The following FANCA variants were observed in gnomAD, a reference collection of about 807,000 sequenced individuals.
The protein encoded by FANCA is Fanconi anemia group A protein.
FANCA carries 236 observed loss-of-function variants against 194.3 expected under a neutral mutation model. The observed-to-expected ratio is 1.21, with a 90% CI of 1.09 to 1.35. FANCA has a LOEUF of 1.35. FANCA is among the 40% of genes most tolerant of loss of function. The pLI is 0.00. For missense variants in FANCA, 2,628 were observed against 1,813.9 expected (o/e 1.45, Z -8.15); for synonymous variants, 1,014 against 715.8 (o/e 1.42, Z -6.65).
rs112307457 is a variant in FANCA at position 89,750,104 on chromosome 16, T to G, written c.3067-202A>C. Reference sequence around the variant, plus strand: ...CAGGCCGGGTGCTGTGGCTCACGTCTGTAATGCCAGCACTTTGGGAGGCCG... The same window carrying G: ...CAGGCCGGGTGCTGTGGCTCACGTCGGTAATGCCAGCACTTTGGGAGGCCG... On this transcript the variant is annotated intron_variant, in intron 31 of 42. Coordinates refer to ENST00000389301, the MANE Select transcript of FANCA (RefSeq NM_000135.4). 0.032 allele frequency among the ~76,000 whole-genome samples: 4,822 copies of G among 152,308 alleles called. 279 individuals carry two copies. Among genetic ancestry groups the G allele is most frequent in the African/African-American group, 0.11 (4,581 of 41,548 alleles).
At chr16:89,758,762 C>G in intron 29 of FANCA, 57 bp from the exon 30 acceptor site, 1 of 1,604,792 alleles carries the variant, frequency 6.2e-7, no homozygotes, top group Non-Finnish European at 8.5e-7. Flanking sequence ...CAGCGGTTCC[C>G]CATAACCAGG....
rs753126562 is a variant in FANCA, at chr16:89,746,581, C to T, written c.3513+3G>A. On this transcript the variant is annotated splice_donor_region_variant and intron_variant, in intron 35 of 42. Coordinates refer to ENST00000389301, the MANE Select transcript of FANCA (RefSeq NM_000135.4). The stretch of plus-strand genomic sequence containing the variant: ...AAAACACCAAACAAGACAGCTGACC[C>T]ACCAGAGCAGAGGTCAAAATTAAGG... The T allele has an allele frequency of 6.2e-7, 1 of 1,613,242 alleles. No homozygotes were observed. Among genetic ancestry groups the T allele is most frequent in the Non-Finnish European group, 8.5e-7 (1 of 1,179,226 alleles).
At position 89,740,057 on chromosome 16, in the gene FANCA, T is replaced by G; in HGVS notation, c.3871A>C (p.Ile1291Leu). 1 of 1,614,124 alleles carries G rather than the reference T, an allele frequency of 6.2e-7. No homozygotes were observed. The highest frequency in any genetic ancestry group is 8.5e-7 in the Non-Finnish European group (1 of 1,180,024). The change falls in exon 39 of 43, where the codon ATC (isoleucine) becomes CTC (leucine). Residue 1291 changes from isoleucine (I) to leucine (L), a missense_variant. Physicochemically the swap from Ile to Leu is conservative, Grantham distance 5. Transcript: ENST00000389301. ...LPKAFHVCAA[I>L]LECLEKRKIS... The stretch of plus-strand genomic sequence containing the variant: ...TTCCTCTTCTCTAAACACTCGAGGA[T>G]TGCTGCACAAACGTGGAAAGCCTTT...
intron 12 of FANCA, 138 bp from the exon 13 acceptor site, chr16:89,792,206 G>T: frequency 1.9e-6 from 2 of 1,069,536 alleles, no homozygotes; most frequent in Non-Finnish European, 1.4e-6. Context: ...AGCTGTGACA[G>T]CTCACACCGT....
Position 89,783,775 on chromosome 16 carries a change from T to C in FANCA, c.1471-673A>G, listed in dbSNP as rs548977168. On this transcript the variant is annotated intron_variant, in intron 15 of 42. Transcript: ENST00000389301. ...ACAGAGGGGACACAGCGTGTTTTTT[T>C]CTTTTGAGAGGGAGTTTTGCTCTTA... 9.9e-5 allele frequency among the ~76,000 whole-genome samples: 15 copies of C among 152,074 alleles called. No homozygotes were observed. In the South Asian group the frequency reaches 3.1e-3, roughly 32 times the overall value.
At chr16:89,814,431 T>A in intron 3 of FANCA, 89 bp downstream of exon 3, 4 of 1,044,924 alleles carry the variant, frequency 3.8e-6, no homozygotes, top group Non-Finnish European at 5.8e-6. Flanking sequence ...CCTGAGAAAA[T>A]TTACATTTCT....
intron 29 of FANCA, among the ~76,000 whole-genome samples, chr16:89,759,349 A>AAAAAAAG (rs1386463570): frequency 1.9e-4 from 26 of 139,536 alleles, no homozygotes; most frequent in Admixed American, 6.7e-4. Context: ...AAAAAAAAAA[A>AAAAAAAG]GTAGCCTGGA....
chr16:89,748,889 GC>G, intron 32 of FANCA, 122 bp from the exon 33 acceptor site: 1 of 792,506 alleles, frequency 1.3e-6, no homozygotes, highest in Non-Finnish European at 2.1e-6. Context: ...TGGAACCAGA[GC>G]CTTGGCCTGT....
chr16:89,740,947 T>A, intron 37 of FANCA, 81 bp from the exon 38 acceptor site: 2 of 1,314,642 alleles, frequency 1.5e-6, no homozygotes, highest in Non-Finnish European at 2.1e-6. Flanking sequence ...CATTCCTCTT[T>A]AATTGAAATT....
intron 2 of FANCA, among the ~76,000 whole-genome samples, chr16:89,815,623 T>C (rs757059009): frequency 6.6e-6 from 1 of 152,116 alleles, no homozygotes; most frequent in Non-Finnish European, 1.5e-5. Context: ...CCCCAAAAGC[T>C]GGGATTACAG....
intron 2 of FANCA, 139 bp from the exon 3 acceptor site, chr16:89,814,752 C>G (rs1340736948): frequency 9.1e-6 from 6 of 658,874 alleles, no homozygotes; most frequent in African/African-American, 9.1e-5. Flanking sequence ...ACCAGCCTGG[C>G]CAACATAGTG....
rs988693203 is a variant in FANCA at position 89,743,036 on chromosome 16, G to A, written c.3627-98C>T. 4.2e-6 allele frequency: 6 copies of A among 1,412,354 alleles called. No individual in the cohort carries two copies. The African/African-American group carries it at 5.7e-5, about 13-fold the overall frequency. The allele number at this position is 1,412,354 out of a possible 1,614,324, so 87.5% of individuals were successfully genotyped here. A position where few individuals can be genotyped will look rare whatever the true frequency, so the allele number is the denominator to read the frequency against. On this transcript the variant is annotated intron_variant, in intron 36 of 42. Coordinates refer to ENST00000389301, the MANE Select transcript of FANCA (RefSeq NM_000135.4). ...TTCCCACCTGTCACCTTTGGGGCCTGCCTTTCCATCAGAGGACAGAGAAGG... is the reference window on the plus strand; with the variant it reads ...TTCCCACCTGTCACCTTTGGGGCCTACCTTTCCATCAGAGGACAGAGAAGG...
intron 11 of FANCA, among the ~76,000 whole-genome samples, chr16:89,794,936 G>A (rs893029754): frequency 2.6e-5 from 4 of 152,160 alleles, no homozygotes; most frequent in African/African-American, 9.7e-5. Context: ...GAGTTGTGCT[G>A]GGTGATCAGG....
chr16:89,774,810 G>C (rs1567622310), intron 21 of FANCA, among the ~76,000 whole-genome samples: 1 of 147,536 alleles, frequency 6.8e-6, no homozygotes, highest in Non-Finnish European at 1.5e-5. Flanking sequence ...GAGCACACAA[G>C]GGGCTGGGTA....
chr16:89,813,290 C>T lies in FANCA; in HGVS notation c.283+1230G>A, dbSNP rs141470414. Among the ~76,000 whole-genome samples the T allele has an allele frequency of 5.7e-3, 862 of 151,952 alleles. 6 individuals are homozygous for T. The highest frequency in any genetic ancestry group is 0.02 in the African/African-American group (832 of 41,444). On this transcript the variant is annotated intron_variant, in intron 3 of 42. Transcript: ENST00000389301. ...AGGCATGGTGGCGCACACCTGTAGT[C>T]CCAGCTACTCAAGATGCTGGGGTGG...
At chr16:89,791,190 C>G (rs908284206) in intron 14 of FANCA, 5 of 636,938 alleles carry the variant, frequency 7.9e-6, no homozygotes, top group Admixed American at 7.7e-5. Flanking sequence ...CCAGGCTCCT[C>G]GGAACATGCA....
At chr16:89,748,629 C>A (rs770060349) in intron 33 of FANCA, 30 bp downstream of exon 33, 1 of 1,549,538 alleles carries the variant, frequency 6.5e-7, no homozygotes, top group Admixed American at 1.7e-5. Flanking sequence ...ACTGACAGAT[C>A]GGACGGACAC....
chr16:89,806,095 T>C (rs2040630749), intron 6 of FANCA, among the ~76,000 whole-genome samples: 1 of 152,082 alleles, frequency 6.6e-6, no homozygotes, highest in African/African-American at 2.4e-5. Context: ...GTAATTTTAG[T>C]AGAGACAGGG....
intron 23 of FANCA, among the ~76,000 whole-genome samples, chr16:89,771,153 G>C (rs1017366707): frequency 3.8e-5 from 4 of 105,352 alleles, no homozygotes; most frequent in Non-Finnish European, 7.3e-5. Flanking sequence ...AGAAGACTCA[G>C]TCAAAAAAAA....
Sources: allele counts gnomAD v4.1 joint callset (sites outside exome capture counted in the v4.1 genomes callset), GRCh38; gene constraint gnomAD v4.1.1; transcripts MANE v1.5; gene names NCBI Gene and HGNC (gene_info 2026-07-23, HGNC 2026-07-21).